Variants in CNGA1 observed in about 807,000 individuals in gnomAD.
CNGA1 encodes the protein cyclic nucleotide gated channel subunit alpha 1, also known as cyclic nucleotide-gated channel alpha-1.
A neutral mutation model predicts 69.7 loss-of-function variants in CNGA1; 53 were observed. That is an observed-to-expected ratio of 0.76 (90% CI 0.61 to 0.96). CNGA1 has a LOEUF of 0.96. Among genes scored for constraint, CNGA1 ranks in the 40% least tolerant of loss-of-function variants. CNGA1 has a pLI of 0.00. For synonymous variants in CNGA1, 249 were observed against 283.5 expected (o/e 0.88, Z 1.22); for missense variants, 739 against 811.2 (o/e 0.91, Z 1.08).
In CNGA1 at chr4:47,937,497, C is replaced by T. The variant is rs1738744521; in HGVS notation, c.985G>A (p.Val329Ile). Residue 329 changes from valine to isoleucine, a missense_variant, in exon 11 of 11, where the codon GTC becomes ATC. By Grantham distance (29) the Val-to-Ile change is conservative. Transcript: ENST00000514170. ...TCAGGATCATTAATATCAGGGTAGACCCATGTATCATTTCCAAATCCAATA... is the reference window on the plus strand; with the variant it reads ...TCAGGATCATTAATATCAGGGTAGATCCATGTATCATTTCCAAATCCAATA... ...KAIGFGNDTW[V>I]YPDINDPEFG... The T allele has an allele frequency of 1.9e-6, 3 of 1,614,134 alleles. No individual in the cohort carries two copies. The African/African-American group carries it at 4.0e-5, about 22-fold the overall frequency.
At chr4:47,972,681 T>C (rs1356175114) in intron 3 of CNGA1, among the ~76,000 whole-genome samples, 2 of 152,252 alleles carry the variant, frequency 1.3e-5, no homozygotes, top group East Asian at 3.8e-4. Flanking sequence ...CATGTTTATA[T>C]TCTTGGTCTG....
intron 2 of CNGA1, among the ~76,000 whole-genome samples, chr4:48,007,677 A>G (rs959443149): frequency 6.6e-5 from 10 of 152,236 alleles, no homozygotes; most frequent in African/African-American, 9.6e-5. Context: ...CTTAAAAAAA[A>G]AAATTTAATC....
Position 47,949,432 on chromosome 4 carries a change from C to T in CNGA1, c.287+401G>A, listed in dbSNP as rs1461342703. On this transcript the variant is annotated intron_variant, in intron 6 of 10. Transcript: ENST00000514170. ...CTTCTCCCTCTGCCCAATACTGACC[C>T]CCAACTCCCTTCCAGATATTGTTCC... Among the ~76,000 whole-genome samples, 3 of 152,134 alleles carry T rather than the reference C, an allele frequency of 2.0e-5. No individual in the cohort carries two copies. The East Asian group carries it at 5.8e-4, about 29-fold the overall frequency.
rs1460665391 is a variant in CNGA1 at position 47,976,325 on chromosome 4, A to G, written c.-15+5068T>C. 3.7e-3 allele frequency among the ~76,000 whole-genome samples: 92 copies of G among 25,136 alleles called. 10 individuals are homozygous for G. Among genetic ancestry groups the G allele is most frequent in the South Asian group, 0.024 (18 of 754 alleles). 16.5% of individuals were successfully genotyped at this position (25,136 alleles called of 152,430 possible). On this transcript the variant is annotated intron_variant, in intron 3 of 10. Transcript: ENST00000514170. ...TACATATATATATACATATATATGT[A>G]TATATATATATACACATATATATAT...
chr4:48,004,973 TAA>T (rs1241185229), intron 2 of CNGA1, among the ~76,000 whole-genome samples: 3 of 152,142 alleles, frequency 2.0e-5, no homozygotes, highest in Non-Finnish European at 4.4e-5. Context: ...TAGAAAATAA[TAA>T]AAGTTGAAAA....
intron 3 of CNGA1, among the ~76,000 whole-genome samples, chr4:47,970,243 A>G (rs2110194903): frequency 6.6e-6 from 1 of 152,324 alleles, no homozygotes; most frequent in Admixed American, 6.5e-5. Context: ...ACTATGAGGA[A>G]CAGTGACTTA....
At chr4:47,989,724 T>A (rs1268716743) in intron 2 of CNGA1, among the ~76,000 whole-genome samples, 2 of 149,308 alleles carry the variant, frequency 1.3e-5, no homozygotes, top group African/African-American at 5.2e-5. Flanking sequence ...TGGTGATTTG[T>A]GAGATTTCAT....
At chr4:47,940,708 A>G in intron 10 of CNGA1, 55 bp downstream of exon 10, 1 of 1,156,692 alleles carries the variant, frequency 8.6e-7, no homozygotes, top group Non-Finnish European at 1.3e-6. Context: ...GTCAAATTAC[A>G]ATGCTAGAGA....
intron 3 of CNGA1, among the ~76,000 whole-genome samples, chr4:47,965,782 T>G (rs1387071681): frequency 6.6e-6 from 1 of 152,162 alleles, no homozygotes; most frequent in Non-Finnish European, 1.5e-5. Flanking sequence ...TATTTTATTT[T>G]GAATTTTTCC....
intron 9 of CNGA1, 116 bp from the exon 10 acceptor site, chr4:47,940,985 A>G: frequency 1.5e-6 from 1 of 667,806 alleles, no homozygotes; most frequent in Non-Finnish European, 2.6e-6. Context: ...TCAGGCTAGG[A>G]GAGGTCCTTA....
chr4:47,969,440 A>G (rs1215379484), intron 3 of CNGA1, among the ~76,000 whole-genome samples: 3 of 152,004 alleles, frequency 2.0e-5, no homozygotes. Context: ...TAGGAAACCA[A>G]ACTCAGTTTT....
At chr4:47,965,366 G>A (rs1271830342) in intron 3 of CNGA1, among the ~76,000 whole-genome samples, 1 of 151,696 alleles carries the variant, frequency 6.6e-6, no homozygotes, top group Non-Finnish European at 1.5e-5. Context: ...TATTAATATG[G>A]TGAACTATAT....
At chr4:47,999,636 C>T (rs1296503915) in intron 2 of CNGA1, among the ~76,000 whole-genome samples, 5 of 152,150 alleles carry the variant, frequency 3.3e-5, no homozygotes, top group South Asian at 2.1e-4. Context: ...TTTGGGAGGC[C>T]GAGGCAGGTG....
chr4:47,973,757 A>G (rs1741173578), intron 3 of CNGA1, among the ~76,000 whole-genome samples: 3 of 152,152 alleles, frequency 2.0e-5, no homozygotes, highest in Admixed American at 2.0e-4. Context: ...ACCTCTGGAC[A>G]GTAGTATTAT....
intron 2 of CNGA1, among the ~76,000 whole-genome samples, chr4:47,995,470 T>C (rs1560310796): frequency 6.6e-6 from 1 of 152,222 alleles, no homozygotes; most frequent in Non-Finnish European, 1.5e-5. Context: ...TGCATTGCTC[T>C]AAGTGTGTCC....
intron 2 of CNGA1, among the ~76,000 whole-genome samples, chr4:47,982,835 C>G (rs997033311): frequency 6.6e-6 from 1 of 152,004 alleles, no homozygotes; most frequent in Non-Finnish European, 1.5e-5. Context: ...GATGGAGTCT[C>G]GCTCTTTCGC....
chr4:47,948,428 G>A (rs972130913), intron 6 of CNGA1, among the ~76,000 whole-genome samples: 5 of 152,172 alleles, frequency 3.3e-5, no homozygotes, highest in African/African-American at 9.7e-5. Context: ...CATTGGTCTG[G>A]GAACTATGGG....
intron 2 of CNGA1, among the ~76,000 whole-genome samples, chr4:47,985,500 C>G (rs1373941011): frequency 6.6e-6 from 1 of 152,108 alleles, no homozygotes; most frequent in Non-Finnish European, 1.5e-5. Context: ...TTGAAACTTT[C>G]TTAAATGATT....
At chr4:47,947,105 G>C (rs532263350) in intron 6 of CNGA1, among the ~76,000 whole-genome samples, 12 of 152,154 alleles carry the variant, frequency 7.9e-5, no homozygotes, top group Admixed American at 6.5e-4. Context: ...CCTTCTTTAT[G>C]TCATTTCCAC....
Sources: allele counts gnomAD v4.1 joint callset (sites outside exome capture counted in the v4.1 genomes callset), GRCh38; gene constraint gnomAD v4.1.1; transcripts MANE v1.5; gene names NCBI Gene and HGNC (gene_info 2026-07-23, HGNC 2026-07-21).